The following GSE1 variants were observed in gnomAD, a reference collection of about 807,000 sequenced individuals.
GSE1 encodes genetic suppressor element 1.
Under a neutral mutation model 112.6 loss-of-function variants are expected in GSE1, and 32 were observed. That is an observed-to-expected ratio of 0.28 (90% CI 0.21 to 0.38). The LOEUF is 0.38. Among genes scored for constraint, GSE1 ranks in the 10% least tolerant of loss-of-function variants. GSE1 has a pLI of 1.00. For missense variants in GSE1, 2,348 were observed against 1,699.2 expected, an observed-to-expected ratio of 1.38 and a Z score of -6.71; for synonymous variants, 1,115 against 735.6, an observed-to-expected ratio of 1.52 and a Z score of -8.35.
chr16:85,377,828 A>G (rs1396332966), intron 2 of GSE1, among the ~76,000 whole-genome samples: 1 of 152,220 alleles, frequency 6.6e-6, no homozygotes, highest in East Asian at 1.9e-4. Flanking sequence ...CGGCATCCAC[A>G]TGTGCAGGAG....
intron 1 of GSE1, among the ~76,000 whole-genome samples, chr16:85,581,683 A>G (rs2046455184): frequency 6.6e-6 from 1 of 152,168 alleles, no homozygotes; most frequent in Admixed American, 6.5e-5. Flanking sequence ...GCCGTCCTAA[A>G]TGCAGTGTGC....
rs1195209417 is a variant in GSE1, at chr16:85,674,351, A to G, written c.*1812A>G. 6.6e-6 allele frequency: 1 copy of G among 152,294 alleles called. No homozygotes were observed. The highest frequency in any genetic ancestry group is 2.4e-5 in the African/African-American group (1 of 41,460). The allele number at this position is 152,294 out of a possible 1,614,324, so 9.4% of individuals were successfully genotyped here. Reference sequence around the variant, plus strand: ...AAACTCAGACGAATGTACCGCCAGTATTATCAGCAGTCAACAAGCACCTTC... The same window carrying G: ...AAACTCAGACGAATGTACCGCCAGTGTTATCAGCAGTCAACAAGCACCTTC... On this transcript the variant is annotated 3_prime_UTR_variant, in exon 16 of 16. Coordinates refer to ENST00000253458, the MANE Select transcript of GSE1 (RefSeq NM_014615.5).
chr16:85,575,227 T>C (rs1027174148), intron 1 of GSE1, among the ~76,000 whole-genome samples: 2 of 152,192 alleles, frequency 1.3e-5, no homozygotes, highest in African/African-American at 4.8e-5. Flanking sequence ...GGCAGGCAGG[T>C]GGCAGCCACC....
chr16:85,532,540 G>C (rs988792919), intron 2 of GSE1, among the ~76,000 whole-genome samples: 1 of 152,158 alleles, frequency 6.6e-6, no homozygotes, highest in African/African-American at 2.4e-5. Context: ...GAGATCATAG[G>C]TGTGAACCAC....
intron 2 of GSE1, among the ~76,000 whole-genome samples, chr16:85,542,483 A>C (rs2044555151): frequency 6.6e-6 from 1 of 152,194 alleles, no homozygotes; most frequent in Non-Finnish European, 1.5e-5. Context: ...CGCTGTGCAG[A>C]ACTTAACAGG....
chr16:85,648,583 G>C lies in GSE1; in HGVS notation c.258G>C (p.Val86=), dbSNP rs1191290973. The C allele has an allele frequency of 6.3e-7, 1 of 1,599,396 alleles. No individual in the cohort carries two copies. Among genetic ancestry groups the C allele is most frequent in the South Asian group, 1.1e-5 (1 of 89,484 alleles). Residue 86 remains valine (V), a synonymous_variant, in exon 3 of 16, where the codon GTG becomes GTC. Coordinates refer to ENST00000253458, the MANE Select transcript of GSE1 (RefSeq NM_014615.5). ...GSSLSSESSP[V]SSPATNHSSP... ...CACTGAGCAGCGAGTCGTCCCCCGTGTCCTCTCCGGCCACCAACCACAGCT... is the reference window on the plus strand; with the variant it reads ...CACTGAGCAGCGAGTCGTCCCCCGTCTCCTCTCCGGCCACCAACCACAGCT...
At chr16:85,181,926 G>A (rs1367578917) in intron 1 of GSE1, among the ~76,000 whole-genome samples, 4 of 152,296 alleles carry the variant, frequency 2.6e-5, no homozygotes, top group Admixed American at 6.5e-5. Flanking sequence ...TTGAGCTGGC[G>A]CGTCCTCCAG....
At chr16:85,520,129 C>G (rs918440617) in intron 2 of GSE1, among the ~76,000 whole-genome samples, 3 of 152,324 alleles carry the variant, frequency 2.0e-5, no homozygotes, top group Admixed American at 1.3e-4. Context: ...AGTCCAAGAT[C>G]AAGGTGCTGG....
intron 1 of GSE1, among the ~76,000 whole-genome samples, chr16:85,305,914 A>G (rs1041508393): frequency 3.3e-5 from 5 of 152,044 alleles, no homozygotes; most frequent in Non-Finnish European, 5.9e-5. Context: ...ACATGGTGAA[A>G]CACCGTCTCT....
At chr16:85,198,296 C>T (rs987092907) in intron 1 of GSE1, among the ~76,000 whole-genome samples, 16 of 152,296 alleles carry the variant, frequency 1.1e-4, no homozygotes, top group African/African-American at 3.6e-4. Context: ...GGAAAGGGTC[C>T]TCTCTACGGA....
intron 2 of GSE1, among the ~76,000 whole-genome samples, chr16:85,543,986 C>T (rs932102604): frequency 1.3e-5 from 2 of 152,190 alleles, no homozygotes; most frequent in Admixed American, 1.3e-4. Context: ...TACAGGCGTG[C>T]ACCACCACAC....
intron 10 of GSE1, 74 bp from the exon 11 acceptor site, chr16:85,663,270 G>A: frequency 1.3e-6 from 2 of 1,537,138 alleles, no homozygotes; most frequent in South Asian, 2.3e-5. Context: ...AGGACCCCAG[G>A]AGGGGACCCC....
chr16:85,418,513 T>C (rs573034360), intron 2 of GSE1, among the ~76,000 whole-genome samples: 3 of 152,314 alleles, frequency 2.0e-5, no homozygotes, highest in South Asian at 4.1e-4. Context: ...CTCTGACTGC[T>C]GTAGCCCAGC....
chr16:85,331,125 T>C (rs939596711), intron 1 of GSE1, among the ~76,000 whole-genome samples: 3 of 151,572 alleles, frequency 2.0e-5, no homozygotes, highest in African/African-American at 7.3e-5. Flanking sequence ...TTTTTTATTG[T>C]TATTATTTAT....
In GSE1 at chr16:85,500,836, C is replaced by G. The variant is rs867571535; in HGVS notation, c.2465-133078C>G. ...CAGAGCCATGCTCCCTCTAAAGGCC[C>G]CAAGGGAGGATCCTTCTTCGCCCCT... On this transcript the variant is annotated intron_variant, in intron 2 of 2. Transcript: ENST00000637419. Among the ~76,000 whole-genome samples, 5 of 152,238 alleles carry G rather than the reference C, an allele frequency of 3.3e-5. No homozygotes were observed. In the Middle Eastern group the frequency reaches 0.01, roughly 311 times the overall value.
chr16:85,303,639 G>A (rs931837225), intron 1 of GSE1, among the ~76,000 whole-genome samples: 3 of 152,232 alleles, frequency 2.0e-5, no homozygotes, highest in African/African-American at 7.2e-5. Flanking sequence ...GCCCGAGGCC[G>A]CACAGCTGGC....
chr16:85,469,325 A>G (rs1438441042), intron 2 of GSE1, among the ~76,000 whole-genome samples: 2 of 152,102 alleles, frequency 1.3e-5, no homozygotes, highest in Admixed American at 1.3e-4. Flanking sequence ...GAGAAAACAC[A>G]GACACAGGGG....
At chr16:85,225,888 G>C (rs555479689) in intron 1 of GSE1, among the ~76,000 whole-genome samples, 1 of 152,346 alleles carries the variant, frequency 6.6e-6, no homozygotes, top group Admixed American at 6.5e-5. Context: ...GCCCTCATCA[G>C]CACGTCAACT....
At chr16:85,363,692 G>A (rs1192886984) in intron 2 of GSE1, among the ~76,000 whole-genome samples, 2 of 152,106 alleles carry the variant, frequency 1.3e-5, no homozygotes, top group African/African-American at 2.4e-5. Context: ...CTGTGCCTCA[G>A]TTTACCCGTG....
Sources: gnomAD v4.1 joint callset for allele counts (sites outside exome capture counted in the v4.1 genomes callset) on GRCh38, gnomAD v4.1.1 for gene constraint, MANE v1.5 for transcripts, NCBI Gene and HGNC (gene_info 2026-07-23, HGNC 2026-07-21) for gene names.